The following ISY1 variants were observed in gnomAD, a reference collection of about 807,000 sequenced individuals.
The protein encoded by ISY1 is ISY1 spliceosome associated protein.
Under a neutral mutation model 54.4 loss-of-function variants are expected in ISY1, and 12 were observed. The observed-to-expected ratio is 0.22, with a 90% CI of 0.14 to 0.36. ISY1 has a LOEUF of 0.36. ISY1 is among the 10% of genes least tolerant of loss of function. The probability of loss-of-function intolerance (pLI) is 1.00; values close to 1 mark genes in which losing one functional copy is unlikely to be tolerated. For missense variants in ISY1, 282 were observed against 342.2 expected, an observed-to-expected ratio of 0.82 and a Z score of 1.39; for synonymous variants, 96 against 117.9, an observed-to-expected ratio of 0.81 and a Z score of 1.20.
At chr3:129,146,846 T>A (rs1292997529) in intron 5 of ISY1, among the ~76,000 whole-genome samples, 16 of 152,042 alleles carry the variant, frequency 1.1e-4, no homozygotes, top group Non-Finnish European at 1.5e-5. Flanking sequence ...CTGCTTGAGC[T>A]CAGGAGTTCA....
intron 5 of ISY1, among the ~76,000 whole-genome samples, chr3:129,148,019 G>A (rs2107612728): frequency 6.6e-6 from 1 of 151,866 alleles, no homozygotes; most frequent in Middle Eastern, 3.4e-3. Flanking sequence ...CAGAGATGAG[G>A]CCTTACTATG....
At chr3:129,141,704 A>C (rs892986586) in intron 6 of ISY1, among the ~76,000 whole-genome samples, 1 of 141,938 alleles carries the variant, frequency 7.0e-6, no homozygotes, top group Non-Finnish European at 1.5e-5. Context: ...CAGTGAGCTG[A>C]TATCACACCA....
At chr3:129,159,272 T>G in intron 1 of ISY1, 96 bp from the exon 2 acceptor site, 1 of 1,509,014 alleles carries the variant, frequency 6.6e-7, no homozygotes, top group South Asian at 1.2e-5. Context: ...AAGAATACAA[T>G]CACAAGCAAA....
chr3:129,150,583 G>T (rs1221746958), intron 5 of ISY1, among the ~76,000 whole-genome samples: 2 of 152,012 alleles, frequency 1.3e-5, no homozygotes, highest in Non-Finnish European at 2.9e-5. Context: ...CGTGGTGGTG[G>T]GCGCCTGTAG....
chr3:129,152,605 C>T (rs1490182268), intron 5 of ISY1, among the ~76,000 whole-genome samples: 4 of 151,848 alleles, frequency 2.6e-5, no homozygotes, highest in Non-Finnish European at 4.4e-5. Context: ...GGGGTTTCAC[C>T]GTGTGTTAGC....
chr3:129,160,734 A>G (rs1336953816), intron 1 of ISY1, among the ~76,000 whole-genome samples: 1 of 152,206 alleles, frequency 6.6e-6, no homozygotes, highest in East Asian at 1.9e-4. Flanking sequence ...AGGTTAACCT[A>G]AAGAGCTTCA....
At chr3:129,135,442 T>G (rs7614608) in intron 7 of ISY1, among the ~76,000 whole-genome samples, 142,890 of 152,198 alleles carry the variant, frequency 0.94, 67,302 homozygotes, top group East Asian at 0.99. Flanking sequence ...TGGACCCATT[T>G]GTCCGTTTAA....
chr3:129,151,807 G>A (rs1454584543), intron 5 of ISY1, among the ~76,000 whole-genome samples: 1 of 152,060 alleles, frequency 6.6e-6, no homozygotes, highest in Non-Finnish European at 1.5e-5. Context: ...CTGATCTTAA[G>A]AGGAAAGCAT....
At chr3:129,133,777 C>G (rs776974020) in intron 9 of ISY1, among the ~76,000 whole-genome samples, 5 of 152,150 alleles carry the variant, frequency 3.3e-5, no homozygotes, top group Non-Finnish European at 5.9e-5. Context: ...AGGTCATGGG[C>G]TAAAGCTCAT....
intron 1 of ISY1, 107 bp from the exon 2 acceptor site, chr3:129,159,283 C>T: frequency 7.1e-7 from 1 of 1,416,400 alleles, no homozygotes; most frequent in Non-Finnish European, 9.7e-7. Context: ...CACAAGCAAA[C>T]CACTTGAAGT....
intron 5 of ISY1, among the ~76,000 whole-genome samples, chr3:129,156,120 C>T (rs117261156): frequency 3.9e-5 from 6 of 152,024 alleles, no homozygotes; most frequent in East Asian, 3.9e-4. Context: ...TGTATTAGGC[C>T]GGGCATAGTG....
At chr3:129,156,503 T>C (rs1937146095) in intron 5 of ISY1, 130 bp downstream of exon 5, 5 of 876,562 alleles carry the variant, frequency 5.7e-6, no homozygotes, top group South Asian at 1.8e-5. Context: ...ATCGTATTGA[T>C]TGGCTCTTCT....
At chr3:129,146,186 C>A (rs1257347912) in intron 5 of ISY1, among the ~76,000 whole-genome samples, 1 of 152,066 alleles carries the variant, frequency 6.6e-6, no homozygotes, top group Non-Finnish European at 1.5e-5. Context: ...AAATAACAAG[C>A]TCTTAAGAGA....
chr3:129,155,228 T>TG (rs1937100943), intron 5 of ISY1, among the ~76,000 whole-genome samples: 3 of 151,888 alleles, frequency 2.0e-5, no homozygotes, highest in African/African-American at 7.3e-5. Context: ...TTTGTTTGTT[T>TG]TGAGATGGAG....
chr3:129,160,722 T>C (rs1937282458), intron 1 of ISY1, among the ~76,000 whole-genome samples: 3 of 152,180 alleles, frequency 2.0e-5, no homozygotes, highest in Admixed American at 2.0e-4. Context: ...TTAATTTCCC[T>C]CAGGTTAACC....
chr3:129,141,352 C>A (rs998479745), intron 6 of ISY1, among the ~76,000 whole-genome samples: 1 of 152,030 alleles, frequency 6.6e-6, no homozygotes, highest in African/African-American at 2.4e-5. Context: ...CATGGCAAAA[C>A]CCTGTCTCTA....
chr3:129,158,045 G>T (rs1416783581), intron 3 of ISY1, among the ~76,000 whole-genome samples: 2 of 152,156 alleles, frequency 1.3e-5, no homozygotes, highest in East Asian at 3.9e-4. Context: ...TTTTAGTAGA[G>T]ATGGGGTTTC....
At chr3:129,134,323 T>C in intron 8 of ISY1, 128 bp from the exon 9 acceptor site, 1 of 1,510,774 alleles carries the variant, frequency 6.6e-7, no homozygotes, top group South Asian at 1.3e-5. Context: ...CCCTTCATTC[T>C]GCCCCCGTGG....
chr3:129,145,012 G>A (rs1251179699), intron 6 of ISY1, among the ~76,000 whole-genome samples: 1 of 152,092 alleles, frequency 6.6e-6, no homozygotes, highest in East Asian at 1.9e-4. Context: ...CCAGGCTCAA[G>A]CCATCCTCCC....
Sources: gnomAD v4.1 joint callset for allele counts (sites outside exome capture counted in the v4.1 genomes callset) on GRCh38, gnomAD v4.1.1 for gene constraint, MANE v1.5 for transcripts, NCBI Gene and HGNC (gene_info 2026-07-23, HGNC 2026-07-21) for gene names.